The following RSAD2 variants were observed in gnomAD, a reference collection of about 807,000 sequenced individuals.
The protein encoded by RSAD2 is S-adenosylmethionine-dependent nucleotide dehydratase RSAD2.
In RSAD2, 38 loss-of-function variants were observed where a neutral mutation model predicts 37.7. The ratio of observed to expected loss-of-function variants is 1.01; its 90% CI spans 0.78 to 1.32. The LOEUF (loss-of-function observed/expected upper bound fraction) is 1.32, where lower values mean the gene tolerates loss of function less well. RSAD2 is among the 40% of genes most tolerant of loss of function. The pLI is 0.00. For missense variants in RSAD2, 428 were observed against 437.5 expected, an observed-to-expected ratio of 0.98 and a Z score of 0.19; for synonymous variants, 163 against 157.4, an observed-to-expected ratio of 1.04 and a Z score of -0.27.
chr2:6,886,809 TG>T, intron 2 of RSAD2, 125 bp from the exon 3 acceptor site: 1 of 651,310 alleles, frequency 1.5e-6, no homozygotes, highest in Non-Finnish European at 2.6e-6. Flanking sequence ...CAATGAGTTT[TG>T]TGGGTATAAG....
At chr2:6,894,443 C>T (rs951427742) in intron 5 of RSAD2, among the ~76,000 whole-genome samples, 1 of 152,016 alleles carries the variant, frequency 6.6e-6, no homozygotes, top group East Asian at 1.9e-4. Context: ...TACTTACTGT[C>T]ACTTTTGATG....
chr2:6,869,056 T>C (rs1484202855), intron 1 of RSAD2, among the ~76,000 whole-genome samples: 1 of 152,206 alleles, frequency 6.6e-6, no homozygotes, highest in Non-Finnish European at 1.5e-5. Flanking sequence ...CCTGCATATC[T>C]AGCCCTTCAT....
In RSAD2 at chr2:6,880,440, C is replaced by G. The variant is rs192464604; in HGVS notation, c.346+2294C>G. On this transcript the variant is annotated intron_variant, in intron 1 of 5. Coordinates refer to ENST00000382040, the MANE Select transcript of RSAD2 (RefSeq NM_080657.5). ...TGGGAGGGAGAGTTGTGTGTCTGTT[C>G]CCGTACATCTTCCTGCAGCTGCAGG... Among the ~76,000 whole-genome samples the G allele has an allele frequency of 2.1e-3, 326 of 152,210 alleles. 1 individual carries two copies. The highest frequency in any genetic ancestry group is 7.4e-3 in the African/African-American group (309 of 41,520).
rs923693088 is a variant in RSAD2, at chr2:6,897,094, C to T, written c.*1152C>T. Reference sequence around the variant, plus strand: ...ACTCTGAGTCAGTTGAAATAGGGTACCATCTAGGTCAGTTTAAGAAGAGTC... The same window carrying T: ...ACTCTGAGTCAGTTGAAATAGGGTATCATCTAGGTCAGTTTAAGAAGAGTC... On this transcript the variant is annotated 3_prime_UTR_variant, in exon 6 of 6. Coordinates refer to ENST00000382040, the MANE Select transcript of RSAD2 (RefSeq NM_080657.5). 5 of 152,026 alleles carry T rather than the reference C, an allele frequency of 3.3e-5. No homozygotes were observed. The highest frequency in any genetic ancestry group is 2.0e-4 in the Admixed American group (3 of 15,260). 9.4% of individuals were successfully genotyped at this position (152,026 alleles called of 1,614,324 possible).
chr2:6,866,043 A>T, exon 1 of RSAD2: 2 of 350,320 alleles, frequency 5.7e-6, no homozygotes, highest in Non-Finnish European at 4.9e-6. Flanking sequence ...CGTCGGCCCC[A>T]AGGTAGCTCC....
chr2:6,876,748 C>T (rs1358796338), upstream of RSAD2: 1 of 152,080 alleles, frequency 6.6e-6, no homozygotes, highest in Non-Finnish European at 1.5e-5. Context: ...AGGAGCTAAC[C>T]CTAACTGAAC....
chr2:6,868,698 GA>G (rs2103233796), intron 1 of RSAD2, among the ~76,000 whole-genome samples: 1 of 152,330 alleles, frequency 6.6e-6, no homozygotes, highest in African/African-American at 2.4e-5. Flanking sequence ...CTTACAATTT[GA>G]AGAGTATTCT....
intron 1 of RSAD2, among the ~76,000 whole-genome samples, chr2:6,871,231 G>T (rs912287367): frequency 6.6e-6 from 1 of 152,216 alleles, no homozygotes; most frequent in African/African-American, 2.4e-5. Context: ...AAACAACATT[G>T]AAACCATTCT....
In RSAD2 at chr2:6,897,273, A is replaced by G. The variant is rs1244851167; in HGVS notation, c.*1331A>G. ...TTCTTATCATTGTTTCAAAAAAGCAAAATCATGGAAAATTTTTGTTGTCCA... is the reference window on the plus strand; with the variant it reads ...TTCTTATCATTGTTTCAAAAAAGCAGAATCATGGAAAATTTTTGTTGTCCA... On this transcript the variant is annotated 3_prime_UTR_variant, in exon 6 of 6. Transcript: ENST00000382040. 6.6e-6 allele frequency: 1 copy of G among 152,226 alleles called. No homozygotes were observed. Among genetic ancestry groups the G allele is most frequent in the Non-Finnish European group, 1.5e-5 (1 of 68,040 alleles). The allele number at this position is 152,226 out of a possible 1,614,324, so 9.4% of individuals were successfully genotyped here.
chr2:6,895,897 A>G lies in RSAD2; in HGVS notation c.1041A>G (p.Gly347=). The change falls in exon 6 of 6, where the codon GGA becomes GGG. Residue 347 remains glycine, a synonymous_variant. Coordinates refer to ENST00000382040, the MANE Select transcript of RSAD2 (RefSeq NM_080657.5). ...ATGAAAAGATGTTTCTGAAGCGAGG[A>G]GGAAAATACATATGGAGTAAGGCTG... ...GFDEKMFLKR[G]GKYIWSKADL... 6.2e-7 allele frequency: 1 copy of G among 1,614,192 alleles called. No homozygotes were observed. The highest frequency in any genetic ancestry group is 8.5e-7 in the Non-Finnish European group (1 of 1,180,012).
Position 6,896,341 on chromosome 2 carries a change from A to T in RSAD2, c.*399A>T, listed in dbSNP as rs7583850. 105,125 of 156,646 alleles carry T rather than the reference A, an allele frequency of 0.67. 35,513 individuals are homozygous for T. Among genetic ancestry groups the T allele is most frequent in the East Asian group, 0.78 (4,191 of 5,356 alleles). The allele number at this position is 156,646 out of a possible 1,614,324, so 9.7% of individuals were successfully genotyped here. On this transcript the variant is annotated 3_prime_UTR_variant, in exon 6 of 6. Coordinates refer to ENST00000382040, the MANE Select transcript of RSAD2 (RefSeq NM_080657.5). Reference sequence around the variant, plus strand: ...GCTCTAGTGATATCTGTGGGGGCAAAATTTAATTTGGATTTGATTTTTTAA... The same window carrying T: ...GCTCTAGTGATATCTGTGGGGGCAATATTTAATTTGGATTTGATTTTTTAA...
chr2:6,878,742 G>T lies in RSAD2; in HGVS notation c.346+596G>T, dbSNP rs915931861. The T allele has an allele frequency of 7.0e-6, 6 of 853,386 alleles. No individual in the cohort carries two copies. In the African/African-American group the frequency reaches 1.1e-4, roughly 15 times the overall value. The allele number at this position is 853,386 out of a possible 1,614,324, so 52.9% of individuals were successfully genotyped here. ...CTGGCAGCGTCTTGGAGAGAACTCA[G>T]CACGTGACCTTCGAATGCAATATCT... On this transcript the variant is annotated intron_variant, in intron 1 of 5. Transcript: ENST00000382040.
In RSAD2 at chr2:6,887,221, T is replaced by C; in HGVS notation, c.738+57T>C. ...CTTCAAGAAAACTTTCAGGAATGAC[T>C]TTTTTCAATGAAACTGAAAACAATA... On this transcript the variant is annotated intron_variant, in intron 3 of 5. Transcript: ENST00000382040. The C allele has an allele frequency of 1.0e-5, 14 of 1,333,762 alleles. No individual in the cohort carries two copies. In the South Asian group the frequency reaches 1.7e-4, roughly 16 times the overall value. 82.6% of individuals were successfully genotyped at this position (1,333,762 alleles called of 1,614,324 possible). A position where few individuals can be genotyped will look rare whatever the true frequency, so the allele number is the denominator to read the frequency against.
Position 6,896,061 on chromosome 2 carries a change from C to A in RSAD2, c.*119C>A. On this transcript the variant is annotated 3_prime_UTR_variant, in exon 6 of 6. Coordinates refer to ENST00000382040, the MANE Select transcript of RSAD2 (RefSeq NM_080657.5). ...TGGCTGAAAACCTGATTTTCTGCTG[C>A]ACGTGGCATCTGATTACCTGTGGTC... 2 of 915,574 alleles carry A rather than the reference C, an allele frequency of 2.2e-6. No homozygotes were observed. The highest frequency in any genetic ancestry group is 3.3e-6 in the Non-Finnish European group (2 of 613,308). The allele number at this position is 915,574 out of a possible 1,614,324, so 56.7% of individuals were successfully genotyped here. A position where few individuals can be genotyped will look rare whatever the true frequency, so the allele number is the denominator to read the frequency against.
chr2:6,878,831 A>C (rs1663341064), intron 1 of RSAD2: 1 of 1,216,290 alleles, frequency 8.2e-7, no homozygotes. Flanking sequence ...TACCTTCTCA[A>C]CTAGTAACTT....
Position 6,890,235 on chromosome 2 carries a change from A to G in RSAD2, c.798A>G (p.Ala266=), listed in dbSNP as rs777065475. ...GTGGAGAAGATGCTCTAAGAGAAGCAGAAAGATTTGTTATTGGTGATGAAG... is the reference window on the plus strand; with the variant it reads ...GTGGAGAAGATGCTCTAAGAGAAGCGGAAAGATTTGTTATTGGTGATGAAG... ...ENCGEDALRE[A]ERFVIGDEEF... is the part of the protein sequence containing the mutation. The change falls in exon 4 of 6, where the codon GCA becomes GCG. Residue 266 remains alanine (A), a synonymous_variant. Transcript: ENST00000382040. 18 of 1,614,202 alleles carry G rather than the reference A, an allele frequency of 1.1e-5. No homozygotes were observed. Among genetic ancestry groups the G allele is most frequent in the Admixed American group, 1.7e-5 (1 of 60,026 alleles).
rs188886518 is a variant in RSAD2 at position 6,896,021 on chromosome 2, G to A, written c.*79G>A. ...CTGCCATTGTCTGCAATACTATCCCGTTGGTATTTCCCAGTGGCTGAAAAC... is the reference window on the plus strand; with the variant it reads ...CTGCCATTGTCTGCAATACTATCCCATTGGTATTTCCCAGTGGCTGAAAAC... On this transcript the variant is annotated 3_prime_UTR_variant, in exon 6 of 6. Coordinates refer to ENST00000382040, the MANE Select transcript of RSAD2 (RefSeq NM_080657.5). The A allele has an allele frequency of 5.7e-6, 8 of 1,407,336 alleles. No individual in the cohort carries two copies. Among genetic ancestry groups the A allele is most frequent in the Admixed American group, 2.1e-5 (1 of 48,716 alleles). 87.2% of individuals were successfully genotyped at this position (1,407,336 alleles called of 1,614,324 possible).
At chr2:6,867,002 A>T (rs1429035183) in intron 1 of RSAD2, among the ~76,000 whole-genome samples, 1 of 152,200 alleles carries the variant, frequency 6.6e-6, no homozygotes, top group Non-Finnish European at 1.5e-5. Context: ...AATAGTTTTT[A>T]TTCTTTCTCA....
intron 5 of RSAD2, among the ~76,000 whole-genome samples, chr2:6,894,222 C>T (rs1663692500): frequency 6.6e-6 from 1 of 152,188 alleles, no homozygotes; most frequent in Admixed American, 6.5e-5. Context: ...CCTACCCCCA[C>T]TGCCTTCCAA....
Sources: gnomAD v4.1 joint callset for allele counts (sites outside exome capture counted in the v4.1 genomes callset) on GRCh38, gnomAD v4.1.1 for gene constraint, MANE v1.5 for transcripts, NCBI Gene and HGNC (gene_info 2026-07-23, HGNC 2026-07-21) for gene names.